Variants in SLC37A3 observed in about 807,000 individuals in gnomAD.
SLC37A3 encodes the protein sugar phosphate exchanger 3.
SLC37A3 carries 51 observed loss-of-function variants against 67.1 expected under a neutral mutation model. That is an observed-to-expected ratio of 0.76 (90% CI 0.61 to 0.96). SLC37A3 has a LOEUF of 0.96. SLC37A3 is among the 40% of genes least tolerant of loss of function. SLC37A3 has a pLI of 0.00. For missense variants in SLC37A3, 508 were observed against 603.0 expected (o/e 0.84, Z 1.65); for synonymous variants, 214 against 231.4 (o/e 0.92, Z 0.68).
intron 5 of SLC37A3, among the ~76,000 whole-genome samples, chr7:140,363,252 G>A (rs949400930): frequency 1.1e-5 from 1 of 89,966 alleles, no homozygotes; most frequent in African/African-American, 4.2e-5. Flanking sequence ...GGAATAGAAA[G>A]GCGGGAAGGG....
intron 5 of SLC37A3, among the ~76,000 whole-genome samples, chr7:140,362,458 T>A: frequency 7.7e-6 from 1 of 129,676 alleles, no homozygotes; most frequent in African/African-American, 3.0e-5. Flanking sequence ...AGCCGCCCCG[T>A]CTGGGAGGTG....
In SLC37A3 at chr7:140,380,387, A is replaced by G. The variant is rs1798204746; in HGVS notation, c.93T>C (p.Tyr31=). 1 of 1,607,554 alleles carries G rather than the reference A, an allele frequency of 6.2e-7. No homozygotes were observed. Among genetic ancestry groups the G allele is most frequent in the Non-Finnish European group, 8.5e-7 (1 of 1,174,584 alleles). ...VVVFLLTFFS[Y]SLLHASRKTF... ...TTTTTCGTGAAGCATGGAGCAACGA[A>G]TAACTACAAAATAGAGAGAATACAG... The change falls in exon 3 of 15, where the codon TAT becomes TAC. Residue 31 remains tyrosine (Y), a synonymous_variant. Coordinates refer to ENST00000326232, the MANE Select transcript of SLC37A3 (RefSeq NM_207113.3).
intron 5 of SLC37A3, among the ~76,000 whole-genome samples, chr7:140,360,899 A>C (rs766811771): frequency 2.0e-5 from 3 of 152,078 alleles, no homozygotes; most frequent in Non-Finnish European, 2.9e-5. Flanking sequence ...AAACCACAGA[A>C]GACAGACAGA....
intron 13 of SLC37A3, among the ~76,000 whole-genome samples, chr7:140,342,354 G>A (rs1325503673): frequency 6.6e-6 from 1 of 152,096 alleles, no homozygotes; most frequent in Non-Finnish European, 1.5e-5. Flanking sequence ...AAATCCTTCA[G>A]TTCTCTTTCT....
chr7:140,359,892 T>G (rs1050423553), intron 5 of SLC37A3, among the ~76,000 whole-genome samples: 7 of 152,088 alleles, frequency 4.6e-5, no homozygotes, highest in African/African-American at 1.7e-4. Context: ...CAAACTGCAG[T>G]TTTTAAAAAA....
At chr7:140,380,422 T>C (rs370718079) in intron 2 of SLC37A3, 32 bp from the exon 3 acceptor site, 1 of 1,433,882 alleles carries the variant, frequency 7.0e-7, no homozygotes, top group South Asian at 1.2e-5. Context: ...GATGAATGAA[T>C]AGCAAAGAGA....
intron 2 of SLC37A3, among the ~76,000 whole-genome samples, chr7:140,382,046 TA>T (rs999324260): frequency 3.0e-4 from 43 of 144,410 alleles, no homozygotes; most frequent in South Asian, 4.4e-4. Context: ...ATATGTTTTT[TA>T]AAAAAAAAAA....
At chr7:140,394,277 GCATTTAGTTCTCT>G (rs1472088364) in intron 1 of SLC37A3, among the ~76,000 whole-genome samples, 3 of 152,028 alleles carry the variant, frequency 2.0e-5, no homozygotes, top group African/African-American at 7.2e-5. Context: ...ATGCATTACT[GCATTTAGTTCTCT>G]CAATGTTTTA....
At chr7:140,353,906 TTCA>T (rs1380690768) in intron 7 of SLC37A3, among the ~76,000 whole-genome samples, 1 of 152,018 alleles carries the variant, frequency 6.6e-6, no homozygotes, top group African/African-American at 2.4e-5. Flanking sequence ...GAGACAGGGT[TTCA>T]TCATGTTGGC....
At chr7:140,361,707 C>G (rs1797305547) in intron 5 of SLC37A3, among the ~76,000 whole-genome samples, 1 of 150,660 alleles carries the variant, frequency 6.6e-6, no homozygotes, top group African/African-American at 2.4e-5. Context: ...CGCCGCCACG[C>G]CTGACTGGTT....
intron 3 of SLC37A3, among the ~76,000 whole-genome samples, chr7:140,373,917 C>T (rs1042498670): frequency 2.6e-5 from 4 of 152,040 alleles, no homozygotes; most frequent in African/African-American, 7.2e-5. Flanking sequence ...AACAATGCCA[C>T]TCATTATTTT....
At chr7:140,388,571 G>A (rs1798601179) in intron 1 of SLC37A3, among the ~76,000 whole-genome samples, 1 of 152,056 alleles carries the variant, frequency 6.6e-6, no homozygotes, top group Non-Finnish European at 1.5e-5. Context: ...CCAGCACTTT[G>A]GGAGGCTGAG....
Position 140,369,674 on chromosome 7 carries a change from G to T in SLC37A3, c.207C>A (p.Ser69Arg). 1 of 1,613,658 alleles carries T rather than the reference G, an allele frequency of 6.2e-7. No individual in the cohort carries two copies. The highest frequency in any genetic ancestry group is 8.5e-7 in the Non-Finnish European group (1 of 1,179,826). Reference protein sequence around the residue: ...TSVELPVEIWSSNHLFPSAEK... With the variant: ...TSVELPVEIWRSNHLFPSAEK... ...CTGCACTGGGGAACAAATGGTTGCT[G>T]CTCCAGATCTACAGTAAGACAGCAG... Residue 69 changes from serine (S) to arginine (R), a missense_variant, in exon 4 of 15, where the codon AGC (serine) becomes AGA (arginine). Coordinates refer to ENST00000326232, the MANE Select transcript of SLC37A3 (RefSeq NM_207113.3).
chr7:140,364,429 G>A lies in SLC37A3; in HGVS notation c.354C>T (p.Gly118=), dbSNP rs1481422230. ...RLNLRWVLSF[G]MCSSALVVFV... ...TTACCACTAATGCAGAAGAGCACAT[G>A]CCAAAAGACAGAACCCATCGCAAAT... The change falls in exon 5 of 15, where the codon GGC becomes GGT. Residue 118 remains glycine (G), a synonymous_variant. Coordinates refer to ENST00000326232, the MANE Select transcript of SLC37A3 (RefSeq NM_207113.3). The A allele has an allele frequency of 6.2e-7, 1 of 1,613,918 alleles. No individual in the cohort carries two copies. Among genetic ancestry groups the A allele is most frequent in the Non-Finnish European group, 8.5e-7 (1 of 1,179,940 alleles).
At chr7:140,343,609 T>TAGC (rs1158228943) in intron 12 of SLC37A3, 46 bp from the exon 13 acceptor site, 1 of 1,596,158 alleles carries the variant, frequency 6.3e-7, no homozygotes, top group Admixed American at 1.7e-5. Context: ...TCACAACCAC[T>TAGC]AGCAATCTAC....
intron 10 of SLC37A3, 58 bp from the exon 11 acceptor site, chr7:140,346,028 G>C (rs1796544663): frequency 1.6e-6 from 2 of 1,271,466 alleles, no homozygotes; most frequent in Admixed American, 3.4e-5. Flanking sequence ...CTCACCTGAG[G>C]CGTGCTCCCC....
intron 7 of SLC37A3, among the ~76,000 whole-genome samples, chr7:140,352,711 A>T (rs1354349389): frequency 6.6e-6 from 1 of 152,168 alleles, no homozygotes; most frequent in Non-Finnish European, 1.5e-5. Flanking sequence ...GCAAAGACAC[A>T]GGGTGGAAGG....
intron 3 of SLC37A3, among the ~76,000 whole-genome samples, chr7:140,373,475 A>G (rs1308343933): frequency 6.6e-6 from 1 of 152,212 alleles, no homozygotes; most frequent in Non-Finnish European, 1.5e-5. Flanking sequence ...AGAGTATTCC[A>G]AAGTGCACTG....
At chr7:140,370,314 G>A (rs770381066) in intron 3 of SLC37A3, 9 of 152,266 alleles carry the variant, frequency 5.9e-5, no homozygotes, top group Admixed American at 1.3e-4. Context: ...TGCTAGTGAC[G>A]AAGTCTTAAG....
Sources: gnomAD v4.1 joint callset for allele counts (sites outside exome capture counted in the v4.1 genomes callset) on GRCh38, gnomAD v4.1.1 for gene constraint, MANE v1.5 for transcripts, NCBI Gene and HGNC (gene_info 2026-07-23, HGNC 2026-07-21) for gene names.